The following SASS6 variants were observed in gnomAD, a reference collection of about 807,000 sequenced individuals.
SASS6 encodes SAS-6 centriolar assembly protein.
SASS6 carries 59 observed loss-of-function variants against 94.9 expected under a neutral mutation model. That is an observed-to-expected ratio of 0.62 (90% CI 0.50 to 0.77). The LOEUF is 0.77. SASS6 is among the 30% of genes least tolerant of loss of function. The pLI, the probability that SASS6 is intolerant of heterozygous loss-of-function variation, is 0.00. For missense variants in SASS6, 698 were observed against 734.1 expected (o/e 0.95, Z 0.57); for synonymous variants, 264 against 270.0 (o/e 0.98, Z 0.22).
chr1:100,090,951 G>A (rs934368723), intron 14 of SASS6, among the ~76,000 whole-genome samples: 18 of 152,204 alleles, frequency 1.2e-4, no homozygotes, highest in Admixed American at 4.6e-4. Flanking sequence ...CTACTGCCAA[G>A]GTCACAGAAT....
chr1:100,103,175 C>G, intron 13 of SASS6, 92 bp from the exon 14 acceptor site: 1 of 757,940 alleles, frequency 1.3e-6, no homozygotes, highest in African/African-American at 1.8e-5. Flanking sequence ...GTTATAATAA[C>G]TAATAATTAA....
chr1:100,123,120 T>A, intron 3 of SASS6, 90 bp downstream of exon 3: 1 of 596,906 alleles, frequency 1.7e-6, no homozygotes, highest in Non-Finnish European at 3.0e-6. Flanking sequence ...AAATCTAATA[T>A]GTAGGTATGT....
In SASS6 at chr1:100,102,965, G is replaced by A; in HGVS notation, c.1664C>T (p.Ser555Leu). The A allele has an allele frequency of 6.2e-7, 1 of 1,611,302 alleles. No homozygotes were observed. Among genetic ancestry groups the A allele is most frequent in the Non-Finnish European group, 8.5e-7 (1 of 1,178,552 alleles). Residue 555 changes from serine (S) to leucine (L), a missense_variant, in exon 14 of 17, where the codon TCA becomes TTA. Physicochemically the swap from Ser to Leu is moderately radical, Grantham distance 145. Coordinates refer to ENST00000287482, the MANE Select transcript of SASS6 (RefSeq NM_194292.3). ...ISAKNTSHPG[S>L]GTKVQFNLQF... is the part of the protein sequence containing the mutation. Reference sequence around the variant, plus strand: ...AGTTAATTTGGCTACCTTTGTTCCTGAACCAGGGTGGCTGGTATTTTTGGC... The same window carrying A: ...AGTTAATTTGGCTACCTTTGTTCCTAAACCAGGGTGGCTGGTATTTTTGGC...
In SASS6 at chr1:100,085,429, G is replaced by A. The variant is rs1651170965; in HGVS notation, c.1873C>T (p.Gln625Ter). ...AATGCTCCTAAAGTGCCATCTCTCTGATGGTCTGCAAATGAGGACAAAAAA... is the reference window on the plus strand; with the variant it reads ...AATGCTCCTAAAGTGCCATCTCTCTAATGGTCTGCAAATGAGGACAAAAAA... ...SQNLFSNSDH[Q>*]RDGTLGALHT... Residue 625 changes from glutamine to a stop codon, truncating the protein, a stop_gained, in exon 17 of 17, where the codon CAG becomes TAG. Transcript: ENST00000287482. LOFTEE classifies it high-confidence loss of function. 1.2e-6 allele frequency: 2 copies of A among 1,608,460 alleles called. No homozygotes were observed. Among genetic ancestry groups the A allele is most frequent in the African/African-American group, 2.7e-5 (2 of 74,770 alleles).
chr1:100,107,205 T>G (rs1185645251), intron 11 of SASS6, among the ~76,000 whole-genome samples, 169 bp downstream of exon 11: 2 of 152,008 alleles, frequency 1.3e-5, no homozygotes, highest in African/African-American at 4.8e-5. Context: ...TGAATCATGA[T>G]AACTAACTTT....
At chr1:100,089,073 T>C (rs1250947766) in intron 14 of SASS6, among the ~76,000 whole-genome samples, 4 of 151,862 alleles carry the variant, frequency 2.6e-5, no homozygotes, top group African/African-American at 9.7e-5. Context: ...AAATTGAAGA[T>C]ATAAAAAAGA....
At chr1:100,107,778 T>C (rs1363774849) in intron 9 of SASS6, 32 bp downstream of exon 9, 2 of 1,556,354 alleles carry the variant, frequency 1.3e-6, no homozygotes, top group Non-Finnish European at 1.8e-6. Context: ...TAAATATGAT[T>C]ATCAATTTCT....
intron 14 of SASS6, 71 bp downstream of exon 14, chr1:100,102,884 G>T: frequency 1.7e-6 from 2 of 1,162,546 alleles, no homozygotes; most frequent in Non-Finnish European, 1.3e-6. Flanking sequence ...ACTTTTAAAA[G>T]ATGTGAAATG....
Position 100,083,583 on chromosome 1 carries a change from A to ATAGTT in SASS6, c.*1740_*1744dup, listed in dbSNP as rs1370703657. 5.3e-5 allele frequency: 8 copies of ATAGTT among 151,944 alleles called. No individual in the cohort carries two copies. Among genetic ancestry groups the ATAGTT allele is most frequent in the Non-Finnish European group, 8.8e-5 (6 of 67,902 alleles). The allele number at this position is 151,944 out of a possible 1,614,324, so 9.4% of individuals were successfully genotyped here. On this transcript the variant is annotated 3_prime_UTR_variant, in exon 17 of 17. Coordinates refer to ENST00000287482, the MANE Select transcript of SASS6 (RefSeq NM_194292.3). ...ATTTTCAAAGTGTAGATGCTGCATA[A>ATAGTT]TAGTTTATTAACAAAGCTCAAAGTT...
At position 100,110,376 on chromosome 1, in the gene SASS6, C is replaced by A; in HGVS notation, c.777G>T (p.Ala259=). ...QLQNRLSELE[A]ANKDLTERKY... ...TTCTTTCGGTTAAGTCTTTATTAGC[C>A]GCTTCTAACTCAGACAGTCTGTTTT... The change falls in exon 8 of 17, where the codon GCG becomes GCT. Residue 259 remains alanine (A), a synonymous_variant. Coordinates refer to ENST00000287482, the MANE Select transcript of SASS6 (RefSeq NM_194292.3). The A allele has an allele frequency of 6.2e-7, 1 of 1,606,968 alleles. No homozygotes were observed. The highest frequency in any genetic ancestry group is 1.3e-5 in the African/African-American group (1 of 74,846).
chr1:100,092,650 G>A (rs923070778), intron 14 of SASS6, among the ~76,000 whole-genome samples: 2 of 151,814 alleles, frequency 1.3e-5, no homozygotes, highest in African/African-American at 2.4e-5. Context: ...ATCTCGGCTC[G>A]CTGCAACCTC....
chr1:100,121,223 A>G (rs1391448571), intron 5 of SASS6, among the ~76,000 whole-genome samples, 155 bp downstream of exon 5: 2 of 152,156 alleles, frequency 1.3e-5, no homozygotes, highest in East Asian at 3.8e-4. Flanking sequence ...TCCCGACTAT[A>G]CCTTGACTAA....
intron 7 of SASS6, among the ~76,000 whole-genome samples, chr1:100,115,982 T>G (rs544925688): frequency 6.6e-6 from 1 of 152,162 alleles, no homozygotes; most frequent in African/African-American, 2.4e-5. Flanking sequence ...AAACAAATAT[T>G]AGAATATAGG....
intron 3 of SASS6, among the ~76,000 whole-genome samples, chr1:100,122,763 G>A (rs1199652101): frequency 2.6e-5 from 4 of 151,996 alleles, no homozygotes; most frequent in African/African-American, 9.7e-5. Context: ...ATGTTGGTCA[G>A]ACTAGTCTCG....
At chr1:100,130,789 A>G (rs1352900960) in intron 1 of SASS6, among the ~76,000 whole-genome samples, 1 of 152,098 alleles carries the variant, frequency 6.6e-6, no homozygotes, top group African/African-American at 2.4e-5. Flanking sequence ...CAGATAGCAA[A>G]TATTTTAGGC....
At chr1:100,113,425 G>A (rs55646662) in intron 7 of SASS6, among the ~76,000 whole-genome samples, 2,833 of 151,936 alleles carry the variant, frequency 0.019, 53 homozygotes, top group South Asian at 0.075. Context: ...TGGCTAACAC[G>A]GTGAAACCCT....
intron 14 of SASS6, among the ~76,000 whole-genome samples, chr1:100,093,027 T>C (rs1446267315): frequency 6.6e-6 from 1 of 152,126 alleles, no homozygotes; most frequent in Non-Finnish European, 1.5e-5. Flanking sequence ...GGTATGTATA[T>C]TGTACTTTAA....
intron 14 of SASS6, among the ~76,000 whole-genome samples, chr1:100,101,517 C>G (rs1330735125): frequency 6.6e-6 from 1 of 151,824 alleles, no homozygotes; most frequent in Admixed American, 6.6e-5. Context: ...ACCAAGTAGG[C>G]AACTGTCTCT....
chr1:100,107,510 A>T lies in SASS6; in HGVS notation c.1190T>A (p.Leu397Ter). 6.2e-7 allele frequency: 1 copy of T among 1,608,030 alleles called. No individual in the cohort carries two copies. Among genetic ancestry groups the T allele is most frequent in the Non-Finnish European group, 8.5e-7 (1 of 1,175,678 alleles). Residue 397 changes from leucine (L) to a stop codon, truncating the protein, a stop_gained, in exon 11 of 17, where the codon TTA (leucine) becomes TAA (stop). Transcript: ENST00000287482. LOFTEE classifies it high-confidence loss of function. ...ATTCTTCAATTTCAACTTACCCATT[A>T]AAGTTTTCAGATCCCCTTGTAACTT... ...IKKLQGDLKT[L>*]MGKLKLKNTV...
Sources: allele counts gnomAD v4.1 joint callset (sites outside exome capture counted in the v4.1 genomes callset), GRCh38; gene constraint gnomAD v4.1.1; transcripts MANE v1.5; gene names NCBI Gene and HGNC (gene_info 2026-07-23, HGNC 2026-07-21).